SPIDR: variants seen among roughly 807,000 people sequenced by gnomAD.
SPIDR encodes scaffold protein involved in DNA repair, also known as DNA repair-scaffolding protein.
SPIDR carries 93 observed loss-of-function variants against 104.6 expected under a neutral mutation model. The ratio of observed to expected loss-of-function variants is 0.89; its 90% confidence interval spans 0.75 to 1.06. The LOEUF (loss-of-function observed/expected upper bound fraction) is 1.06, where lower values mean the gene tolerates loss of function less well. SPIDR is among the 50% of genes least tolerant of loss of function. The pLI is 0.00. For synonymous variants in SPIDR, 431 were observed against 416.9 expected (o/e 1.03, Z -0.41); for missense variants, 1,154 against 1,111.2 (o/e 1.04, Z -0.55).
intron 8 of SPIDR, among the ~76,000 whole-genome samples, chr8:47,467,351 C>A (rs930085306): frequency 4.6e-5 from 7 of 152,142 alleles, no homozygotes; most frequent in Non-Finnish European, 1.0e-4. Flanking sequence ...GGATTCACCC[C>A]ATCTCATTCT....
intron 10 of SPIDR, among the ~76,000 whole-genome samples, chr8:47,645,387 C>A (rs1449189277): frequency 6.6e-6 from 1 of 151,822 alleles, no homozygotes; most frequent in East Asian, 1.9e-4. Flanking sequence ...GTGGTGTGGT[C>A]ATTGAGGTGA....
chr8:47,671,261 GT>G (rs1481260744), intron 10 of SPIDR, among the ~76,000 whole-genome samples: 1 of 152,056 alleles, frequency 6.6e-6, no homozygotes, highest in Non-Finnish European at 1.5e-5. Flanking sequence ...GGTTCTGTAG[GT>G]AGAAAATGCT....
At chr8:47,596,466 A>T (rs1479366300) in intron 9 of SPIDR, among the ~76,000 whole-genome samples, 13 of 152,196 alleles carry the variant, frequency 8.5e-5, no homozygotes, top group Non-Finnish European at 1.9e-4. Flanking sequence ...ATCTAAACAT[A>T]GAAAAAGGAT....
At chr8:47,433,928 C>G (rs1554690670) in intron 7 of SPIDR, among the ~76,000 whole-genome samples, 1 of 151,974 alleles carries the variant, frequency 6.6e-6, no homozygotes, top group Non-Finnish European at 1.5e-5. Context: ...CTTCATTTTA[C>G]AATGCTAGGA....
At position 47,595,862 on chromosome 8, in the gene SPIDR, C is replaced by T; in HGVS notation, c.1149C>T (p.Tyr383=). The T allele has an allele frequency of 6.2e-7, 1 of 1,614,214 alleles. No homozygotes were observed. Among genetic ancestry groups the T allele is most frequent in the Non-Finnish European group, 8.5e-7 (1 of 1,180,016 alleles). ...GTTGCCCTGTTATTCTGAATACTTA[C>T]TTTTGTGAGAAAGTTGTTGCCAAAG... The part of the protein sequence containing the change: ...SGSCPVILNT[Y]FCEKVVAKED... Residue 383 remains tyrosine, a synonymous_variant, in exon 9 of 20, where the codon TAC becomes TAT. Transcript: ENST00000297423.
chr8:47,542,880 G>C (rs2088509814), intron 8 of SPIDR, among the ~76,000 whole-genome samples: 1 of 152,168 alleles, frequency 6.6e-6, no homozygotes, highest in Non-Finnish European at 1.5e-5. Flanking sequence ...GCAATTGCTA[G>C]TCTACTTTAT....
chr8:47,710,549 A>G (rs1201301245), intron 14 of SPIDR, among the ~76,000 whole-genome samples: 11 of 150,000 alleles, frequency 7.3e-5, no homozygotes, highest in Admixed American at 6.7e-5. Context: ...GCTCACCGCA[A>G]CCTCTGCCTC....
chr8:47,484,781 A>G (rs1417969660), intron 8 of SPIDR, among the ~76,000 whole-genome samples: 4 of 152,232 alleles, frequency 2.6e-5, no homozygotes, highest in Non-Finnish European at 5.9e-5. Flanking sequence ...TATTGTATCA[A>G]TGTCACATTT....
chr8:47,582,390 T>G (rs968488786), intron 8 of SPIDR, among the ~76,000 whole-genome samples: 7 of 152,196 alleles, frequency 4.6e-5, no homozygotes, highest in African/African-American at 1.7e-4. Flanking sequence ...AGTAAACATC[T>G]TTCGTGAAAC....
Position 47,711,194 on chromosome 8 carries a change from C to T in SPIDR, c.1978-1468C>T, listed in dbSNP as rs540584858. Among the ~76,000 whole-genome samples, 15 of 152,226 alleles carry T rather than the reference C, an allele frequency of 9.9e-5. 1 individual carries two copies. The South Asian group carries it at 2.5e-3, about 25-fold the overall frequency. ...TTCCTGTGTCCTTTGGACACATGCC[C>T]GTCATTCTTTGAGTACCTCCTTATT... is the stretch of plus-strand genomic sequence containing the variant. On this transcript the variant is annotated intron_variant, in intron 14 of 19. Coordinates refer to ENST00000297423, the MANE Select transcript of SPIDR (RefSeq NM_001080394.4).
intron 8 of SPIDR, among the ~76,000 whole-genome samples, chr8:47,576,035 A>G (rs1413173665): frequency 6.6e-6 from 1 of 150,664 alleles, no homozygotes; most frequent in African/African-American, 2.4e-5. Context: ...ACGATCTGTT[A>G]TGTGAGAAAT....
chr8:47,384,303 G>T (rs554898877), intron 5 of SPIDR, among the ~76,000 whole-genome samples: 1 of 152,068 alleles, frequency 6.6e-6, no homozygotes, highest in African/African-American at 2.4e-5. Flanking sequence ...GTTAGCCTTT[G>T]AAAAAGTATA....
intron 7 of SPIDR, among the ~76,000 whole-genome samples, chr8:47,424,915 G>C (rs1042828066): frequency 1.3e-5 from 2 of 152,018 alleles, no homozygotes; most frequent in Non-Finnish European, 2.9e-5. Context: ...ATTTTTAGTA[G>C]AGCCTGCCTC....
chr8:47,552,258 G>A (rs896144497), intron 8 of SPIDR, among the ~76,000 whole-genome samples: 3 of 152,196 alleles, frequency 2.0e-5, no homozygotes, highest in Admixed American at 6.5e-5. Flanking sequence ...TTGATTTTGG[G>A]TGGAGAGTTC....
chr8:47,338,363 T>C (rs2050141868), intron 5 of SPIDR, among the ~76,000 whole-genome samples: 1 of 152,220 alleles, frequency 6.6e-6, no homozygotes, highest in African/African-American at 2.4e-5. Context: ...AATAACTACC[T>C]TTGAGAGAGT....
intron 5 of SPIDR, among the ~76,000 whole-genome samples, chr8:47,324,895 G>A (rs1168155707): frequency 6.6e-6 from 1 of 152,112 alleles, no homozygotes; most frequent in South Asian, 2.1e-4. Context: ...TCCAGGTGCT[G>A]GCAGGGTTGA....
At chr8:47,421,414 C>T (rs2065434724) in intron 7 of SPIDR, among the ~76,000 whole-genome samples, 1 of 152,198 alleles carries the variant, frequency 6.6e-6, no homozygotes, top group African/African-American at 2.4e-5. Context: ...GCCACTGAGG[C>T]TTGTGGGTTC....
At chr8:47,666,013 G>A (rs1289723205) in intron 10 of SPIDR, among the ~76,000 whole-genome samples, 2 of 152,162 alleles carry the variant, frequency 1.3e-5, no homozygotes, top group Non-Finnish European at 1.5e-5. Context: ...TATTTATGCC[G>A]TGGTTTCCCT....
chr8:47,321,907 A>T (rs1321358701), intron 5 of SPIDR, among the ~76,000 whole-genome samples: 1 of 152,178 alleles, frequency 6.6e-6, no homozygotes, highest in African/African-American at 2.4e-5. Context: ...GAAAAGTGAA[A>T]CTGGATCCCT....
Sources: allele counts gnomAD v4.1 joint callset (sites outside exome capture counted in the v4.1 genomes callset), GRCh38; gene constraint gnomAD v4.1.1; transcripts MANE v1.5; gene names NCBI Gene and HGNC (gene_info 2026-07-23, HGNC 2026-07-21).